TARS1: variants seen among roughly 807,000 people sequenced by gnomAD.
TARS1 encodes threonyl-tRNA synthetase 1.
In TARS1, 57 loss-of-function variants were observed where a neutral mutation model predicts 97.7. The ratio of observed to expected loss-of-function variants is 0.58; its 90% CI spans 0.47 to 0.73. The LOEUF (loss-of-function observed/expected upper bound fraction) is 0.73, where lower values mean the gene tolerates loss of function less well. Ranked by LOEUF, TARS1 falls within the 30% of genes least tolerant of loss-of-function variation. The pLI is 0.00. For missense variants in TARS1, 806 were observed against 888.3 expected (o/e 0.91, Z 1.18); for synonymous variants, 312 against 293.7 (o/e 1.06, Z -0.64).
chr5:33,454,056 T>A (rs1362728176), intron 4 of TARS1, among the ~76,000 whole-genome samples: 2 of 152,210 alleles, frequency 1.3e-5, no homozygotes, highest in African/African-American at 4.8e-5. Flanking sequence ...TATGTACATT[T>A]GACAAATAAA....
In TARS1 at chr5:33,456,210, G is replaced by A; in HGVS notation, c.820G>A (p.Ala274Thr). 5 of 1,613,516 alleles carry A rather than the reference G, an allele frequency of 3.1e-6. No homozygotes were observed. The highest frequency in any genetic ancestry group is 4.2e-6 in the Non-Finnish European group (5 of 1,179,602). ...TGTTAGACACACGGGCAAAATTAAG[G>A]CTTTAAAAATACACAAAGTAAGTAA... ...PHVRHTGKIK[A>T]LKIHKNSSTY... The change falls in exon 8 of 19, where the codon GCT becomes ACT. Residue 274 changes from alanine (A) to threonine (T), a missense_variant. Around this residue, in one of 3 missense-constraint regions of TARS1, gnomAD observed 356 missense variants for 357.8 expected, o/e 0.99. Coordinates refer to ENST00000265112, the MANE Select transcript of TARS1 (RefSeq NM_152295.5).
chr5:33,453,468 C>CT, intron 4 of TARS1, 56 bp downstream of exon 4: 4 of 1,603,522 alleles, frequency 2.5e-6, no homozygotes, highest in Non-Finnish European at 3.4e-6. Flanking sequence ...CATTTGAAGT[C>CT]TTTTCCAGCT....
At chr5:33,445,511 T>C in intron 2 of TARS1, 107 bp downstream of exon 2, 1 of 887,422 alleles carries the variant, frequency 1.1e-6, no homozygotes, top group Non-Finnish European at 1.8e-6. Flanking sequence ...TACATGGTAG[T>C]GTAAGATGGT....
intron 3 of TARS1, among the ~76,000 whole-genome samples, chr5:33,449,382 C>G (rs1340624534): frequency 6.9e-6 from 1 of 144,100 alleles, no homozygotes; most frequent in Non-Finnish European, 1.5e-5. Context: ...TTGGGAAACT[C>G]TAGTCATAAT....
chr5:33,452,458 A>G, intron 3 of TARS1: 2 of 1,527,042 alleles, frequency 1.3e-6, no homozygotes, highest in Non-Finnish European at 8.8e-7. Context: ...TTTATCCTCA[A>G]AGCCTTTCCA....
chr5:33,442,853 C>T (rs1741180932), intron 1 of TARS1, among the ~76,000 whole-genome samples: 1 of 152,118 alleles, frequency 6.6e-6, no homozygotes, highest in African/African-American at 2.4e-5. Flanking sequence ...TTATTATCTC[C>T]ATTATACAGA....
chr5:33,461,895 T>C lies in TARS1; in HGVS notation c.1630-11T>C. ...CTGGCATTTTATAATAACCCAGTCT[T>C]TGCTTCTTAGATTGACATACAGATT... On this transcript the variant is annotated splice_polypyrimidine_tract_variant and intron_variant, in intron 14 of 18. Transcript: ENST00000265112. The C allele has an allele frequency of 6.2e-7, 1 of 1,611,140 alleles. No individual in the cohort carries two copies.
chr5:33,467,851 AT>A lies in TARS1; in HGVS notation c.*148del. 1.3e-6 allele frequency: 1 copy of A among 774,130 alleles called. No individual in the cohort carries two copies. Among genetic ancestry groups the A allele is most frequent in the Non-Finnish European group, 1.9e-6 (1 of 513,104 alleles). 48.0% of individuals were successfully genotyped at this position (774,130 alleles called of 1,614,324 possible). A position where few individuals can be genotyped will look rare whatever the true frequency, so the allele number is the denominator to read the frequency against. On this transcript the variant is annotated 3_prime_UTR_variant, in exon 19 of 19. Transcript: ENST00000265112. ...AATAGGTCAACCTGCAGGCGTAACT[AT>A]TTTTGACCTAGTCAGTTTTTAAACA... is the stretch of plus-strand genomic sequence containing the variant.
intron 1 of TARS1, among the ~76,000 whole-genome samples, chr5:33,443,963 T>A (rs1579573454): frequency 6.6e-6 from 1 of 152,168 alleles, no homozygotes; most frequent in Non-Finnish European, 1.5e-5. Flanking sequence ...AAAATTAGTT[T>A]TTTTTTTAAT....
At chr5:33,460,219 A>G (rs1295737237) in intron 11 of TARS1, among the ~76,000 whole-genome samples, 1 of 152,034 alleles carries the variant, frequency 6.6e-6, no homozygotes, top group Non-Finnish European at 1.5e-5. Flanking sequence ...CGGTCCTTCA[A>G]CCTTGGCTTC....
intron 5 of TARS1, among the ~76,000 whole-genome samples, 181 bp from the exon 6 acceptor site, chr5:33,455,399 GAAAATAT>G (rs768503719): frequency 1.3e-5 from 2 of 152,134 alleles, no homozygotes; most frequent in Non-Finnish European, 2.9e-5. Context: ...AGAAGCTACT[GAAAATAT>G]AAAATGTAAA....
chr5:33,467,883 C>T lies in TARS1; in HGVS notation c.*175C>T. 1.8e-6 allele frequency: 1 copy of T among 559,326 alleles called. No individual in the cohort carries two copies. Among genetic ancestry groups the T allele is most frequent in the South Asian group, 3.1e-5 (1 of 31,824 alleles). 34.6% of individuals were successfully genotyped at this position (559,326 alleles called of 1,614,324 possible). A position where few individuals can be genotyped will look rare whatever the true frequency, so the allele number is the denominator to read the frequency against. On this transcript the variant is annotated 3_prime_UTR_variant, in exon 19 of 19. Transcript: ENST00000265112. ...ACCTAGTCAGTTTTTAAACAATGTG[C>T]ATTTGAAGGAGTTAATTAAAAGAGA...
upstream of TARS1, chr5:33,440,788 G>A: frequency 2.0e-6 from 1 of 511,238 alleles, no homozygotes; most frequent in Non-Finnish European, 3.5e-6. Flanking sequence ...TCAGCGGAGA[G>A]TAGGCATGTA....
chr5:33,441,217 G>A (rs1465954046), intron 1 of TARS1, 74 bp downstream of exon 1: 1 of 1,585,938 alleles, frequency 6.3e-7, no homozygotes. Flanking sequence ...CGCGGCGGGA[G>A]CGGGGGGCAG....
In TARS1 at chr5:33,467,565, G is replaced by A; in HGVS notation, c.2029G>A (p.Gly677Ser). The A allele has an allele frequency of 6.2e-7, 1 of 1,609,306 alleles. No individual in the cohort carries two copies. Among genetic ancestry groups the A allele is most frequent in the Non-Finnish European group, 8.5e-7 (1 of 1,178,532 alleles). Residue 677 changes from glycine (G) to serine (S), a missense_variant, in exon 19 of 19, where the codon GGT becomes AGT. Around this residue, in one of 3 missense-constraint regions of TARS1, gnomAD observed 446 missense variants for 511.0 expected, o/e 0.87. Coordinates refer to ENST00000265112, the MANE Select transcript of TARS1 (RefSeq NM_152295.5). ...LAQYNFILVV[G>S]EKEKISGTVN... is the part of the protein sequence containing the mutation. ...GCTTTGTGTGTTTGTTTTAGTTGTT[G>A]GTGAAAAAGAGAAAATCAGTGGCAC...
At chr5:33,456,351 T>C in intron 8 of TARS1, 124 bp downstream of exon 8, 3 of 772,120 alleles carry the variant, frequency 3.9e-6, no homozygotes, top group Non-Finnish European at 6.2e-6. Context: ...TCTCATGCTC[T>C]CTATTAACTG....
intron 3 of TARS1, among the ~76,000 whole-genome samples, chr5:33,449,588 T>C (rs1741624908): frequency 6.6e-6 from 1 of 150,970 alleles, no homozygotes; most frequent in African/African-American, 2.4e-5. Context: ...CCCGAGTAGC[T>C]GGGACTACAG....
Position 33,460,869 on chromosome 5 carries a change from T to C in TARS1, c.1251-33T>C, listed in dbSNP as rs183286726. ...AGCATTACAGAAGCAGTTTTATTCTTAAGTGTCCGTGGACTTTTCTTTTTC... is the reference window on the plus strand; with the variant it reads ...AGCATTACAGAAGCAGTTTTATTCTCAAGTGTCCGTGGACTTTTCTTTTTC... On this transcript the variant is annotated intron_variant, in intron 11 of 18. Transcript: ENST00000265112. 1,394 of 1,611,634 alleles carry C rather than the reference T, an allele frequency of 8.6e-4. 18 individuals are homozygous for C. The African/African-American group carries it at 0.017, about 19-fold the overall frequency.
intron 1 of TARS1, 123 bp downstream of exon 1, chr5:33,441,266 TG>T: frequency 8.9e-7 from 1 of 1,119,450 alleles, no homozygotes; most frequent in Non-Finnish European, 1.3e-6. Flanking sequence ...GTCGGAGAAG[TG>T]GGGGATGGTG....
Sources: gnomAD v4.1 joint callset for allele counts (sites outside exome capture counted in the v4.1 genomes callset) on GRCh38, gnomAD v4.1.1 for gene constraint, gnomAD v4.1.1 regional missense constraint, MANE v1.5 for transcripts, NCBI Gene and HGNC (gene_info 2026-07-23, HGNC 2026-07-21) for gene names.